INSL6: variants seen among roughly 807,000 people sequenced by gnomAD.
INSL6 encodes insulin like 6, also known as insulin-like peptide INSL6.
A neutral mutation model predicts 9.4 loss-of-function variants in INSL6; 16 were observed. The ratio of observed to expected loss-of-function variants is 1.70; its 90% CI spans 1.15 to 2.59. The LOEUF (loss-of-function observed/expected upper bound fraction) is 2.59. Among genes scored for constraint, INSL6 ranks in the 30% most tolerant of loss-of-function variants. The probability of loss-of-function intolerance (pLI) is 0.00; values close to 1 mark genes in which losing one functional copy is unlikely to be tolerated. For missense variants in INSL6, 391 were observed against 257.3 expected (o/e 1.52, Z -3.56); for synonymous variants, 154 against 96.9 (o/e 1.59, Z -3.46).
At chr9:5,171,418 T>C (rs1217391967) in intron 1 of INSL6, among the ~76,000 whole-genome samples, 1 of 152,146 alleles carries the variant, frequency 6.6e-6, no homozygotes, top group Non-Finnish European at 1.5e-5. Context: ...CCTTGAAAAC[T>C]GGCCCAAGTT....
At chr9:5,064,924 G>C in the INSL6 span, 7 of 1,596,942 alleles carry the variant, frequency 4.4e-6, no homozygotes, top group African/African-American at 1.3e-5. Context: ...TGTCTTTCGT[G>C]TCATTAATTG....
At chr9:5,142,911 A>T (rs995982444) in intron 2 of INSL6, among the ~76,000 whole-genome samples, 6 of 152,074 alleles carry the variant, frequency 3.9e-5, no homozygotes, top group Non-Finnish European at 1.5e-5. Context: ...ACATGAATGG[A>T]TGTTAAATTT....
At chr9:5,001,549 G>C in the INSL6 span, among the ~76,000 whole-genome samples, 7 of 151,908 alleles carry the variant, frequency 4.6e-5, 1 homozygote, top group East Asian at 1.3e-3. Context: ...CTTGGTGATG[G>C]TGTTCTGACC....
At chr9:5,023,964 T>C in the INSL6 span, among the ~76,000 whole-genome samples, 1 of 152,290 alleles carries the variant, frequency 6.6e-6, no homozygotes, top group Non-Finnish European at 1.5e-5. Context: ...GCTTGTAAGA[T>C]TTTTAGCTTG....
At chr9:5,112,140 G>A in the INSL6 span, 16 of 307,808 alleles carry the variant, frequency 5.2e-5, no homozygotes, top group East Asian at 1.3e-3. Flanking sequence ...CCATGGGCAC[G>A]GCTAGCAACG....
chr9:5,138,460 T>C (rs1260825713), intron 2 of INSL6, among the ~76,000 whole-genome samples: 3 of 152,198 alleles, frequency 2.0e-5, no homozygotes, highest in Non-Finnish European at 4.4e-5. Context: ...GAAACCATCA[T>C]TCTCAGCAAA....
At chr9:5,165,108 T>A (rs1825021516) in intron 1 of INSL6, among the ~76,000 whole-genome samples, 1 of 152,106 alleles carries the variant, frequency 6.6e-6, no homozygotes, top group Non-Finnish European at 1.5e-5. Context: ...CTACTTGGGA[T>A]GCTGAGGCAT....
chr9:5,091,045 C>CT, the INSL6 span: 19,640 of 501,566 alleles, frequency 0.039, no homozygotes, highest in South Asian at 0.054. Flanking sequence ...TTACATTTAA[C>CT]TTTTTTTTTT....
At chr9:5,174,668 A>ACCTACC (rs968311101) in intron 1 of INSL6, among the ~76,000 whole-genome samples, 4 of 152,106 alleles carry the variant, frequency 2.6e-5, no homozygotes, top group African/African-American at 7.2e-5. Context: ...TTATTTATCT[A>ACCTACC]CCTACGACTT....
At chr9:5,043,173 G>A in the INSL6 span, among the ~76,000 whole-genome samples, 2 of 152,236 alleles carry the variant, frequency 1.3e-5, no homozygotes, top group Non-Finnish European at 2.9e-5. Context: ...CCCTGGACTG[G>A]CTGGCGGACT....
At chr9:5,003,037 G>A in the INSL6 span, among the ~76,000 whole-genome samples, 2 of 151,888 alleles carry the variant, frequency 1.3e-5, no homozygotes, top group African/African-American at 4.8e-5. Flanking sequence ...TTCCAAATTA[G>A]GTAACTGTAT....
intron 2 of INSL6, among the ~76,000 whole-genome samples, chr9:5,135,242 T>G (rs1298372007): frequency 1.3e-5 from 2 of 152,024 alleles, no homozygotes; most frequent in African/African-American, 2.4e-5. Context: ...AGTGGGAGAC[T>G]TTAACACCCC....
chr9:5,062,499 G>GT, the INSL6 span, among the ~76,000 whole-genome samples: 2 of 40,666 alleles, frequency 4.9e-5, no homozygotes, highest in Admixed American at 6.5e-4. Context: ...CCTTCCATTT[G>GT]TAAAAAAAAA....
At chr9:5,050,947 C>T in the INSL6 span, 1 of 844,486 alleles carries the variant, frequency 1.2e-6, no homozygotes, top group East Asian at 2.7e-5. Flanking sequence ...TTAAGTACTC[C>T]TTATCTAAAA....
At chr9:5,107,251 G>A in the INSL6 span, among the ~76,000 whole-genome samples, 5 of 151,860 alleles carry the variant, frequency 3.3e-5, no homozygotes, top group African/African-American at 9.7e-5. Context: ...CTTAGTAACC[G>A]ACACCTTACT....
chr9:5,015,693 C>T, the INSL6 span, among the ~76,000 whole-genome samples: 1 of 152,060 alleles, frequency 6.6e-6, no homozygotes, highest in Non-Finnish European at 1.5e-5. Context: ...AAGAAAAAAG[C>T]CAATTCGAGT....
At chr9:5,045,945 T>C in the INSL6 span, among the ~76,000 whole-genome samples, 1 of 152,192 alleles carries the variant, frequency 6.6e-6, no homozygotes, top group African/African-American at 2.4e-5. Context: ...TTTATAATTT[T>C]TTTTGAGGAA....
intron 1 of INSL6, among the ~76,000 whole-genome samples, chr9:5,184,937 T>C (rs1186077348): frequency 6.6e-6 from 1 of 152,188 alleles, no homozygotes; most frequent in East Asian, 1.9e-4. Context: ...AACTATGTGC[T>C]AGATACTGTG....
chr9:5,142,952 T>C (rs1824531986), intron 2 of INSL6, among the ~76,000 whole-genome samples: 1 of 152,242 alleles, frequency 6.6e-6, no homozygotes, highest in African/African-American at 2.4e-5. Flanking sequence ...TCTATTGAGA[T>C]AATCATGTGG....
Sources: allele counts gnomAD v4.1 joint callset (sites outside exome capture counted in the v4.1 genomes callset), GRCh38; gene constraint gnomAD v4.1.1; transcripts MANE v1.5; gene names NCBI Gene and HGNC (gene_info 2026-07-23, HGNC 2026-07-21).